Variants in PAK6 observed in about 807,000 individuals in gnomAD.
PAK6 encodes serine/threonine-protein kinase PAK 6.
Under a neutral mutation model 60.8 loss-of-function variants are expected in PAK6, and 33 were observed. That is an observed-to-expected ratio of 0.54 (90% confidence interval 0.41 to 0.73). The LOEUF (loss-of-function observed/expected upper bound fraction) is 0.73, where lower values mean the gene tolerates loss of function less well. Among genes scored for constraint, PAK6 ranks in the 30% least tolerant of loss-of-function variants. The pLI is 0.00. For synonymous variants in PAK6, 404 were observed against 378.5 expected (o/e 1.07, Z -0.78); for missense variants, 845 against 904.1 (o/e 0.93, Z 0.84).
intron 10 of PAK6, 97 bp downstream of exon 10, chr15:40,274,373 C>T: frequency 7.5e-7 from 1 of 1,327,850 alleles, no homozygotes. Context: ...TCCACTGAAG[C>T]CACAGGGTCT....
intron 10 of PAK6, 55 bp downstream of exon 10, chr15:40,274,331 G>T: frequency 1.3e-6 from 2 of 1,524,560 alleles, no homozygotes; most frequent in South Asian, 1.3e-5. Flanking sequence ...CTGAGGCAAG[G>T]GGACCAGAAC....
In PAK6 at chr15:40,252,252, C is replaced by A. The variant is rs372004712; in HGVS notation, c.-117-926C>A. On this transcript the variant is annotated intron_variant, in intron 2 of 10. Coordinates refer to ENST00000560346, the Ensembl canonical transcript of PAK6. ...GGCTCTGGAGCGTGCATCTGCGATG[C>A]CAGTGAACGAGGTGATTACACACAG... The A allele has an allele frequency of 3.3e-4, 397 of 1,195,740 alleles. 2 individuals carry two copies. The African/African-American group carries it at 6.1e-3, about 18-fold the overall frequency. 74.1% of individuals were successfully genotyped at this position (1,195,740 alleles called of 1,614,324 possible). A position where few individuals can be genotyped will look rare whatever the true frequency, so the allele number is the denominator to read the frequency against.
chr15:40,269,211 G>A (rs985197786), intron 5 of PAK6, among the ~76,000 whole-genome samples: 1 of 152,128 alleles, frequency 6.6e-6, no homozygotes, highest in African/African-American at 2.4e-5. Context: ...AAGAGATGGG[G>A]TTTCACCATG....
exon 7 of PAK6, chr15:40,272,923 C>G (rs1229507748): frequency 6.2e-7 from 1 of 1,614,110 alleles, no homozygotes; most frequent in East Asian, 2.2e-5. Context: ...CAAGAGCTAC[C>G]TGGTGGGCGA....
chr15:40,252,321 C>T, intron 2 of PAK6: 6 of 1,266,548 alleles, frequency 4.7e-6, no homozygotes, highest in Non-Finnish European at 6.1e-6. Context: ...CGCGAGGCGG[C>T]CACTGGGCCG....
At chr15:40,241,527 G>A (rs543914666) in intron 2 of PAK6, among the ~76,000 whole-genome samples, 122 of 152,280 alleles carry the variant, frequency 8.0e-4, no homozygotes, top group African/African-American at 2.5e-3. Flanking sequence ...CTTCCCTGGC[G>A]GTTGTCCTGG....
At chr15:40,256,050 T>G (rs1440990434) in intron 3 of PAK6, among the ~76,000 whole-genome samples, 1 of 152,022 alleles carries the variant, frequency 6.6e-6, no homozygotes, top group Non-Finnish European at 1.5e-5. Context: ...ATAGATACTT[T>G]CTGAATAAAG....
At chr15:40,275,901 T>G (rs947412075) in intron 10 of PAK6, 26 bp from the exon 11 acceptor site, 13 of 1,587,430 alleles carry the variant, frequency 8.2e-6, no homozygotes, top group Non-Finnish European at 2.6e-6. Context: ...AAATTGTGGC[T>G]TCATCTTACT....
At chr15:40,252,275 C>G in intron 2 of PAK6, 1 of 1,210,146 alleles carries the variant, frequency 8.3e-7, no homozygotes, top group South Asian at 1.5e-5. Context: ...TGATTACACA[C>G]AGCCGGCGCT....
chr15:40,276,484 A>G (rs2242120), exon 11 of PAK6: 5 of 176,706 alleles, frequency 2.8e-5, no homozygotes, highest in African/African-American at 4.7e-5. Context: ...CTCCACAGAT[A>G]CCTGCTGTTC....
chr15:40,241,806 CAACTCCTA>C (rs2038356372), intron 2 of PAK6, among the ~76,000 whole-genome samples: 1 of 152,228 alleles, frequency 6.6e-6, no homozygotes, highest in Non-Finnish European at 1.5e-5. Flanking sequence ...GCTCTGTGCA[CAACTCCTA>C]AGGATGACCA....
At chr15:40,240,711 G>A (rs1018438544) in intron 2 of PAK6, 30 bp downstream of exon 2, 4 of 435,888 alleles carry the variant, frequency 9.2e-6, no homozygotes, top group African/African-American at 2.1e-5. Flanking sequence ...TGCGTGCTCC[G>A]GATTCCTGGG....
Position 40,268,449 on chromosome 15 carries a change from C to T in PAK6, c.858+1954C>T, listed in dbSNP as rs543913157. The stretch of plus-strand genomic sequence containing the variant: ...GAGCACACCCATTAAGAACCACTGC[C>T]TTAAGCAAATTCAATAACAGATGGG... On this transcript the variant is annotated intron_variant, in intron 5 of 10. Coordinates refer to ENST00000560346, the Ensembl canonical transcript of PAK6. Among the ~76,000 whole-genome samples the T allele has an allele frequency of 3.3e-5, 5 of 152,350 alleles. No homozygotes were observed. The South Asian group carries it at 1.0e-3, about 32-fold the overall frequency.
chr15:40,261,700 T>G (rs896024317), intron 3 of PAK6, among the ~76,000 whole-genome samples: 1 of 152,186 alleles, frequency 6.6e-6, no homozygotes, highest in Non-Finnish European at 1.5e-5. Flanking sequence ...GCTGCCTCCC[T>G]TTAGGTGGTT....
At chr15:40,265,301 G>T (rs1378221657) in intron 4 of PAK6, among the ~76,000 whole-genome samples, 2 of 152,202 alleles carry the variant, frequency 1.3e-5, no homozygotes, top group Non-Finnish European at 2.9e-5. Context: ...TCAATATTTG[G>T]ACCTGCAGCC....
At position 40,264,928 on chromosome 15, in the gene PAK6, G is replaced by A. The variant is rs753610524; in HGVS notation, c.143G>A (p.Arg48Gln). 131 of 1,613,638 alleles carry A rather than the reference G, an allele frequency of 8.1e-5. No homozygotes were observed. The highest frequency in any genetic ancestry group is 1.0e-4 in the Non-Finnish European group (120 of 1,180,040). The change falls in exon 4 of 11, where the codon CGG becomes CAG. Residue 48 changes from arginine (R) to glutamine (Q), a missense_variant. Coordinates refer to ENST00000560346, the Ensembl canonical transcript of PAK6. Reference sequence around the variant, plus strand: ...TGGCAGAACATCCTGGACACACTGCGGCGCCCCAAGCCCGTGGTGGACCCT... The same window carrying A: ...TGGCAGAACATCCTGGACACACTGCAGCGCCCCAAGCCCGTGGTGGACCCT...
At chr15:40,276,750 G>GTGTGTGTGTGTGTA (rs1491478281) in exon 11 of PAK6, 1 of 1,020 alleles carries the variant, frequency 9.8e-4, no homozygotes, top group Non-Finnish European at 1.5e-3. Flanking sequence ...AGAGAACATC[G>GTGTGTGTGTGTGTA]TGTGTGTGTG....
intron 3 of PAK6, among the ~76,000 whole-genome samples, chr15:40,258,331 G>T (rs2038893217): frequency 6.6e-6 from 1 of 152,232 alleles, no homozygotes; most frequent in Admixed American, 6.5e-5. Flanking sequence ...TCAGTCCGGG[G>T]TAAGCATGGT....
intron 10 of PAK6, among the ~76,000 whole-genome samples, chr15:40,275,040 CGCT>C (rs1435798694): frequency 6.6e-6 from 1 of 152,144 alleles, no homozygotes; most frequent in Non-Finnish European, 1.5e-5. Context: ...GAGCCCGCAC[CGCT>C]AACCCCAAAA....
Sources: allele counts gnomAD v4.1 joint callset (sites outside exome capture counted in the v4.1 genomes callset), GRCh38; gene constraint gnomAD v4.1.1; transcripts MANE v1.5; gene names NCBI Gene and HGNC (gene_info 2026-07-23, HGNC 2026-07-21).